KMT2C: variants seen among roughly 807,000 people sequenced by gnomAD.
KMT2C encodes the protein histone-lysine N-methyltransferase 2C.
KMT2C carries 88 observed loss-of-function variants against 507.9 expected under a neutral mutation model. The observed-to-expected ratio is 0.17, with a 90% CI of 0.15 to 0.21. The LOEUF is 0.21. Ranked by LOEUF, KMT2C falls within the 10% of genes least tolerant of loss-of-function variation. The pLI is 1.00. For missense variants in KMT2C, 4,954 were observed against 5,957.8 expected (o/e 0.83, Z 5.55); for synonymous variants, 2,049 against 2,080.8 (o/e 0.98, Z 0.42).
chr7:152,199,160 A>T, intron 27 of KMT2C, 119 bp downstream of exon 27: 1 of 737,814 alleles, frequency 1.4e-6, no homozygotes, highest in Admixed American at 3.5e-5. Context: ...TTATACTTCA[A>T]TGCTGTTGAT....
At chr7:152,197,722 A>G (rs2129131908) in intron 27 of KMT2C, among the ~76,000 whole-genome samples, 1 of 152,278 alleles carries the variant, frequency 6.6e-6, no homozygotes, top group Non-Finnish European at 1.5e-5. Flanking sequence ...TGAATAAATC[A>G]TTAAAATTGA....
intron 14 of KMT2C, among the ~76,000 whole-genome samples, chr7:152,245,155 T>C (rs1459382520): frequency 6.6e-6 from 1 of 152,224 alleles, no homozygotes; most frequent in Non-Finnish European, 1.5e-5. Context: ...TTAAAATGTG[T>C]TCCATGAACA....
chr7:152,290,220 A>ATATGTGTGTGTGTGTGTG (rs1554617001), intron 6 of KMT2C, among the ~76,000 whole-genome samples: 1 of 86,280 alleles, frequency 1.2e-5, no homozygotes, highest in Non-Finnish European at 2.1e-5. Flanking sequence ...TTATATATAT[A>ATATGTGTGTGTGTGTGTG]TGTGTGTGTG....
At chr7:152,329,067 A>C (rs946650460) in intron 3 of KMT2C, among the ~76,000 whole-genome samples, 1 of 152,084 alleles carries the variant, frequency 6.6e-6, no homozygotes, top group Admixed American at 6.6e-5. Context: ...TGAGACTCTT[A>C]AGGGCACACA....
In KMT2C at chr7:152,152,736, C is replaced by G. The variant is rs1419860536; in HGVS notation, c.12495G>C (p.Gln4165His). 6.2e-7 allele frequency: 1 copy of G among 1,614,090 alleles called. No individual in the cohort carries two copies. Among genetic ancestry groups the G allele is most frequent in the African/African-American group, 1.3e-5 (1 of 74,918 alleles). The change falls in exon 49 of 59, where the codon CAG (glutamine) becomes CAC (histidine). Residue 4165 changes from glutamine to histidine, a missense_variant. This residue lies in a region of KMT2C where 417 missense variants were observed against 461.1 expected (regional missense o/e 0.90). Transcript: ENST00000262189. ...TTGTTGGAGGAAATGGTACATTAGG[C>G]TGCTTCAGCCGGTAAGAGCTCACTA... ...PRLVSSYRLKQPNVPFPPTSN... is the reference protein window; with the variant it reads ...PRLVSSYRLKHPNVPFPPTSN...
intron 27 of KMT2C, among the ~76,000 whole-genome samples, chr7:152,198,486 C>T (rs1403049517): frequency 6.6e-6 from 1 of 151,946 alleles, no homozygotes; most frequent in African/African-American, 2.4e-5. Context: ...AGGAAGCTTA[C>T]CAAAAGAACA....
intron 6 of KMT2C, among the ~76,000 whole-genome samples, chr7:152,283,749 C>A (rs1382436215): frequency 2.6e-5 from 4 of 152,084 alleles, no homozygotes; most frequent in Admixed American, 1.3e-4. Flanking sequence ...AGTGATAAAG[C>A]AGATTTCCAG....
chr7:152,251,882 C>G, intron 11 of KMT2C, 57 bp downstream of exon 11: 1 of 1,318,500 alleles, frequency 7.6e-7, no homozygotes, highest in Non-Finnish European at 1.0e-6. Flanking sequence ...ATTGGTGATA[C>G]AATGGCACAA....
At chr7:152,434,193 C>G (rs1310183963) in intron 1 of KMT2C, among the ~76,000 whole-genome samples, 1 of 152,168 alleles carries the variant, frequency 6.6e-6, no homozygotes, top group Non-Finnish European at 1.5e-5. Flanking sequence ...TGTATTACAA[C>G]GCAAGTGGCA....
chr7:152,205,272 C>T (rs771106448), intron 24 of KMT2C, 47 bp from the exon 25 acceptor site: 9 of 1,556,738 alleles, frequency 5.8e-6, no homozygotes, highest in South Asian at 1.1e-5. Flanking sequence ...TTTCTCCCTA[C>T]ATTTCCACAG....
intron 6 of KMT2C, among the ~76,000 whole-genome samples, chr7:152,307,560 A>C (rs948805937): frequency 1.3e-5 from 2 of 152,152 alleles, no homozygotes; most frequent in African/African-American, 4.8e-5. Flanking sequence ...CCAAGTACTC[A>C]ATCTGCATTT....
At chr7:152,391,168 G>A (rs1322899604) in intron 1 of KMT2C, among the ~76,000 whole-genome samples, 426 of 66,504 alleles carry the variant, frequency 6.4e-3, no homozygotes, top group East Asian at 0.014. Context: ...AAAAAAAAAA[G>A]CCTTAAAATC....
At chr7:152,242,690 A>G (rs867716805) in intron 14 of KMT2C, among the ~76,000 whole-genome samples, 9 of 152,238 alleles carry the variant, frequency 5.9e-5, no homozygotes, top group African/African-American at 1.9e-4. Context: ...GGAAATGAGA[A>G]CAATAATGAC....
At chr7:152,357,221 T>C (rs1161057718) in intron 2 of KMT2C, among the ~76,000 whole-genome samples, 2 of 151,678 alleles carry the variant, frequency 1.3e-5, no homozygotes, top group Non-Finnish European at 2.9e-5. Context: ...AGCAAGACTC[T>C]GTCTCAAAAA....
At chr7:152,140,303 T>G (rs1321886913) in intron 55 of KMT2C, among the ~76,000 whole-genome samples, 1 of 152,174 alleles carries the variant, frequency 6.6e-6, no homozygotes, top group African/African-American at 2.4e-5. Flanking sequence ...GTCACTCTGC[T>G]GTAAATATCA....
At chr7:152,184,903 C>A (rs994065825) in intron 34 of KMT2C, among the ~76,000 whole-genome samples, 1 of 152,134 alleles carries the variant, frequency 6.6e-6, no homozygotes, top group African/African-American at 2.4e-5. Context: ...TACAGGCATG[C>A]GCCATCATAC....
intron 1 of KMT2C, among the ~76,000 whole-genome samples, chr7:152,360,742 G>A (rs765689419): frequency 1.3e-5 from 2 of 150,340 alleles, no homozygotes; most frequent in African/African-American, 2.4e-5. Context: ...CCAGCTACTC[G>A]AGAGGCTAAG....
At chr7:152,267,474 T>C (rs1432410486) in intron 7 of KMT2C, among the ~76,000 whole-genome samples, 1 of 152,228 alleles carries the variant, frequency 6.6e-6, no homozygotes, top group African/African-American at 2.4e-5. Context: ...AATTCTTATG[T>C]ATTAAACTTC....
chr7:152,417,787 G>A (rs1165111769), intron 1 of KMT2C, among the ~76,000 whole-genome samples: 10 of 151,438 alleles, frequency 6.6e-5, no homozygotes, highest in Non-Finnish European at 1.2e-4. Context: ...GACTAGAGGC[G>A]CCTGCCACCA....
Sources: gnomAD v4.1 joint callset for allele counts (sites outside exome capture counted in the v4.1 genomes callset) on GRCh38, gnomAD v4.1.1 for gene constraint, gnomAD v4.1.1 regional missense constraint, MANE v1.5 for transcripts, NCBI Gene and HGNC (gene_info 2026-07-23, HGNC 2026-07-21) for gene names.